NR6A1: variants seen among roughly 807,000 people sequenced by gnomAD.
The protein encoded by NR6A1 is retinoic acid receptor-related testis-associated receptor.
NR6A1 carries 7 observed loss-of-function variants against 59.1 expected under a neutral mutation model. That is an observed-to-expected ratio of 0.12 (90% CI 0.07 to 0.22). The LOEUF (loss-of-function observed/expected upper bound fraction) is 0.22. Ranked by LOEUF, NR6A1 falls within the 10% of genes least tolerant of loss-of-function variation. The pLI, the probability that NR6A1 is intolerant of heterozygous loss-of-function variation, is 1.00. For missense variants in NR6A1, 468 were observed against 611.6 expected (o/e 0.77, Z 2.48); for synonymous variants, 243 against 236.1 (o/e 1.03, Z -0.27).
intron 4 of NR6A1, among the ~76,000 whole-genome samples, chr9:124,542,474 C>T (rs1377856564): frequency 3.3e-5 from 5 of 152,102 alleles, no homozygotes; most frequent in Admixed American, 1.3e-4. Flanking sequence ...TCTCTTGAGT[C>T]TATTCTCTCC....
intron 2 of NR6A1, among the ~76,000 whole-genome samples, chr9:124,581,885 A>G (rs1051284011): frequency 2.0e-5 from 3 of 152,224 alleles, no homozygotes; most frequent in Non-Finnish European, 4.4e-5. Context: ...ACCATCTCAC[A>G]TCAGTCAGAA....
intron 2 of NR6A1, among the ~76,000 whole-genome samples, chr9:124,558,868 C>T (rs774692568): frequency 6.6e-6 from 1 of 152,132 alleles, no homozygotes; most frequent in Admixed American, 6.5e-5. Context: ...AAAGCCAGGG[C>T]CCCCCTTTGT....
At chr9:124,662,281 C>T (rs1488030152) in intron 2 of NR6A1, among the ~76,000 whole-genome samples, 1 of 152,128 alleles carries the variant, frequency 6.6e-6, no homozygotes, top group African/African-American at 2.4e-5. Flanking sequence ...TCAATAGTTT[C>T]ATGGTATCAC....
chr9:124,683,358 G>T (rs1838232698), intron 2 of NR6A1, among the ~76,000 whole-genome samples: 1 of 152,230 alleles, frequency 6.6e-6, no homozygotes. Flanking sequence ...TTACTAAGAT[G>T]ATAATTTAGA....
rs921229352 is a variant in NR6A1, at chr9:124,696,827, T to C, written c.142+36481A>G. On this transcript the variant is annotated intron_variant, in intron 2 of 9. Coordinates refer to ENST00000487099, the MANE Select transcript of NR6A1 (RefSeq NM_033334.4). ...ACGTACCACCATGCCTGGATAATTT[T>C]TTGTATTTTTAGTAGAGACAGGATT... Among the ~76,000 whole-genome samples, 3 of 152,160 alleles carry C rather than the reference T, an allele frequency of 2.0e-5. 1 individual carries two copies. The South Asian group carries it at 6.2e-4, about 32-fold the overall frequency.
At chr9:124,656,407 G>A (rs763080416) in intron 2 of NR6A1, among the ~76,000 whole-genome samples, 9 of 152,258 alleles carry the variant, frequency 5.9e-5, no homozygotes, top group Admixed American at 1.3e-4. Flanking sequence ...GCCTTAAAAC[G>A]TAAGGAAATT....
chr9:124,761,764 C>T (rs1459874136), intron 1 of NR6A1, among the ~76,000 whole-genome samples: 3 of 152,146 alleles, frequency 2.0e-5, no homozygotes, highest in Non-Finnish European at 2.9e-5. Flanking sequence ...GTTCATTATT[C>T]TATAGCAATG....
At chr9:124,758,531 A>G (rs530879190) in intron 1 of NR6A1, among the ~76,000 whole-genome samples, 3 of 152,328 alleles carry the variant, frequency 2.0e-5, no homozygotes, top group East Asian at 1.9e-4. Flanking sequence ...AAAAAAGAGA[A>G]AGTGTGGCAT....
At chr9:124,717,879 G>T (rs1249454988) in intron 2 of NR6A1, among the ~76,000 whole-genome samples, 1 of 152,180 alleles carries the variant, frequency 6.6e-6, no homozygotes, top group Admixed American at 6.5e-5. Context: ...GAGCTGCCAG[G>T]AAGAGTAAAT....
chr9:124,729,360 T>C (rs754279315), intron 2 of NR6A1, among the ~76,000 whole-genome samples: 7 of 152,144 alleles, frequency 4.6e-5, no homozygotes, highest in Non-Finnish European at 1.0e-4. Context: ...AAAGTAAAAG[T>C]TCGGTTAAAA....
chr9:124,534,698 G>T (rs1344843115), intron 7 of NR6A1, among the ~76,000 whole-genome samples: 1 of 152,220 alleles, frequency 6.6e-6, no homozygotes, highest in Non-Finnish European at 1.5e-5. Flanking sequence ...GCAGGCATAT[G>T]CTCAAATCTA....
chr9:124,666,025 T>A (rs1401508367), intron 2 of NR6A1, among the ~76,000 whole-genome samples: 5 of 152,306 alleles, frequency 3.3e-5, no homozygotes, highest in African/African-American at 1.2e-4. Flanking sequence ...AAGTTCCAAT[T>A]AAGAAATTTA....
chr9:124,555,840 T>C (rs773876621), intron 2 of NR6A1, among the ~76,000 whole-genome samples: 3 of 152,204 alleles, frequency 2.0e-5, no homozygotes, highest in African/African-American at 7.2e-5. Context: ...TGGGCTATAA[T>C]AGACATTTGA....
At chr9:124,599,000 C>A in intron 2 of NR6A1, 1 of 738,990 alleles carries the variant, frequency 1.4e-6, no homozygotes, top group Non-Finnish European at 2.5e-6. Context: ...GTGGTTGGCA[C>A]AAATCTTCAG....
chr9:124,527,661 T>C (rs942627809), intron 7 of NR6A1, among the ~76,000 whole-genome samples: 4 of 152,272 alleles, frequency 2.6e-5, no homozygotes, highest in East Asian at 3.9e-4. Flanking sequence ...GAGTAGGAAT[T>C]TGGAACCTGA....
chr9:124,744,514 T>C lies in NR6A1; in HGVS notation c.101-11165A>G, dbSNP rs906419311. On this transcript the variant is annotated intron_variant, in intron 1 of 9. Transcript: ENST00000487099. ...GAAAGCATCTTGACTAATAAAACCC[T>C]ACCTTTGCGCAGTGCATGTTCTGCA... 3.9e-5 allele frequency among the ~76,000 whole-genome samples: 6 copies of C among 152,168 alleles called. No homozygotes were observed. In the East Asian group the frequency reaches 5.8e-4, roughly 15 times the overall value.
At chr9:124,560,918 C>T (rs1215653727) in intron 2 of NR6A1, among the ~76,000 whole-genome samples, 2 of 152,006 alleles carry the variant, frequency 1.3e-5, no homozygotes, top group Admixed American at 1.3e-4. Context: ...ATTAGGTGAA[C>T]AGACATACAC....
intron 2 of NR6A1, among the ~76,000 whole-genome samples, chr9:124,673,073 G>A (rs1051147888): frequency 4.6e-5 from 7 of 152,298 alleles, no homozygotes; most frequent in African/African-American, 1.7e-4. Flanking sequence ...TGTAATCTTA[G>A]CACTTTGAGA....
chr9:124,700,128 G>C (rs531747158), intron 2 of NR6A1, among the ~76,000 whole-genome samples: 1 of 151,086 alleles, frequency 6.6e-6, no homozygotes, highest in African/African-American at 2.4e-5. Context: ...AGGATTACAG[G>C]TGTGAGTCAC....
Sources: allele counts gnomAD v4.1 joint callset (sites outside exome capture counted in the v4.1 genomes callset), GRCh38; gene constraint gnomAD v4.1.1; transcripts MANE v1.5; gene names NCBI Gene and HGNC (gene_info 2026-07-23, HGNC 2026-07-21).